Variants in RGL1 observed in about 807,000 individuals in gnomAD.
The protein encoded by RGL1 is ral guanine nucleotide dissociation stimulator like 1, also known as ral guanine nucleotide dissociation stimulator-like 1.
Under a neutral mutation model 95.2 loss-of-function variants are expected in RGL1, and 24 were observed. The ratio of observed to expected loss-of-function variants is 0.25; its 90% CI spans 0.18 to 0.35. RGL1 has a LOEUF of 0.35. Among genes scored for constraint, RGL1 ranks in the 10% least tolerant of loss-of-function variants. The pLI is 1.00. For missense variants in RGL1, 715 were observed against 936.3 expected, an observed-to-expected ratio of 0.76 and a Z score of 3.08; for synonymous variants, 329 against 344.9, an observed-to-expected ratio of 0.95 and a Z score of 0.51.
Position 183,883,843 on chromosome 1 carries a change from G to A in RGL1, c.668G>A (p.Gly223Glu), listed in dbSNP as rs758501922. ...GAAGAGGAAGAGGAACTGGAGGGTGGAGAGTCAGCAGAATTCACGTGCTTC... is the reference window on the plus strand; with the variant it reads ...GAAGAGGAAGAGGAACTGGAGGGTGAAGAGTCAGCAGAATTCACGTGCTTC... ...SLEEEEELEG[G>E]ESAEFTCFSE... The change falls in exon 6 of 18, where the codon GGA becomes GAA. Residue 223 changes from glycine to glutamate, a missense_variant. Gly to Glu is a moderately conservative substitution (Grantham distance 98). Coordinates refer to ENST00000360851, the MANE Select transcript of RGL1 (RefSeq NM_001297671.3). 1 of 1,614,160 alleles carries A rather than the reference G, an allele frequency of 6.2e-7. No homozygotes were observed. Among genetic ancestry groups the A allele is most frequent in the Admixed American group, 1.7e-5 (1 of 60,034 alleles).
At chr1:183,907,132 A>G (rs1398956453) in intron 14 of RGL1, 31 bp downstream of exon 14, 2 of 1,352,142 alleles carry the variant, frequency 1.5e-6, no homozygotes, top group East Asian at 2.3e-5. Context: ...CTGGGGCTCC[A>G]AGAGGGTGCC....
intron 2 of RGL1, among the ~76,000 whole-genome samples, chr1:183,786,045 TC>T (rs1338685653): frequency 1.3e-5 from 2 of 151,884 alleles, no homozygotes; most frequent in Non-Finnish European, 2.9e-5. Context: ...ACTACTCTAC[TC>T]CAGCCTGGGC....
chr1:183,804,521 G>C (rs947425047), upstream of RGL1, among the ~76,000 whole-genome samples: 2 of 152,160 alleles, frequency 1.3e-5, no homozygotes, highest in African/African-American at 2.4e-5. Flanking sequence ...AAGACTCACA[G>C]AACCTCCAGG....
At chr1:183,871,193 GA>G (rs1409354112) in intron 4 of RGL1, among the ~76,000 whole-genome samples, 2 of 152,206 alleles carry the variant, frequency 1.3e-5, no homozygotes, top group African/African-American at 4.8e-5. Flanking sequence ...TTCTCTGTTG[GA>G]AAGTGTGTTA....
intron 1 of RGL1, chr1:183,709,584 A>C (rs1285165425): frequency 5.7e-6 from 1 of 174,688 alleles, no homozygotes; most frequent in Non-Finnish European, 1.2e-5. Flanking sequence ...CATCCAGGGA[A>C]GCTTTTGCAA....
chr1:183,704,426 G>A (rs1654779407), intron 1 of RGL1, among the ~76,000 whole-genome samples: 1 of 152,126 alleles, frequency 6.6e-6, no homozygotes, highest in Non-Finnish European at 1.5e-5. Context: ...CAGCTTTTTG[G>A]GAGGTGGTTC....
At position 183,888,458 on chromosome 1, in the gene RGL1, A is replaced by T. The variant is rs752469749; in HGVS notation, c.952-16A>T. Reference sequence around the variant, plus strand: ...ATAGTTAAATGCCTTTTATGTTTTAATCACTCCCCATGCAGGAATGTAGAC... The same window carrying T: ...ATAGTTAAATGCCTTTTATGTTTTATTCACTCCCCATGCAGGAATGTAGAC... On this transcript the variant is annotated splice_polypyrimidine_tract_variant and intron_variant, in intron 7 of 17. Transcript: ENST00000360851. The T allele has an allele frequency of 4.0e-6, 6 of 1,485,172 alleles. No homozygotes were observed. The South Asian group carries it at 6.8e-5, about 17-fold the overall frequency. The allele number at this position is 1,485,172 out of a possible 1,614,324, so 92.0% of individuals were successfully genotyped here. A position where few individuals can be genotyped will look rare whatever the true frequency, so the allele number is the denominator to read the frequency against.
intron 1 of RGL1, among the ~76,000 whole-genome samples, chr1:183,654,767 T>G (rs1284935832): frequency 6.6e-6 from 1 of 152,250 alleles, no homozygotes; most frequent in East Asian, 1.9e-4. Context: ...CTTTGTCCAC[T>G]AGCACATTTA....
At chr1:183,716,776 G>C (rs1385721164) in intron 1 of RGL1, among the ~76,000 whole-genome samples, 1 of 152,222 alleles carries the variant, frequency 6.6e-6, no homozygotes, top group Non-Finnish European at 1.5e-5. Context: ...GTAAAAGCTT[G>C]TTGATATCCC....
At position 183,880,711 on chromosome 1, in the gene RGL1, A is replaced by T. The variant is rs749389116; in HGVS notation, c.521A>T (p.Tyr174Phe). 3 of 1,613,970 alleles carry T rather than the reference A, an allele frequency of 1.9e-6. No homozygotes were observed. The highest frequency in any genetic ancestry group is 1.7e-6 in the Non-Finnish European group (2 of 1,179,842). ...CCTTGCTTACAGAAACTGCTGGATT[A>T]TCTCACACGGATGATGCCGGGCTCT... ...HFPCLQKLLD[Y>F]LTRMMPGSDP... is the part of the protein sequence containing the mutation. The change falls in exon 5 of 18, where the codon TAT becomes TTT. Residue 174 changes from tyrosine (Y) to phenylalanine (F), a missense_variant. Around this residue, in one of 3 missense-constraint regions of RGL1, gnomAD observed 381 missense variants for 484.8 expected, o/e 0.79. Transcript: ENST00000360851.
chr1:183,703,988 G>A (rs370510752), intron 1 of RGL1, among the ~76,000 whole-genome samples: 4 of 152,188 alleles, frequency 2.6e-5, no homozygotes, highest in African/African-American at 9.6e-5. Flanking sequence ...GAGGAAGAAC[G>A]AAGCGCCCTT....
intron 1 of RGL1, chr1:183,742,072 C>T (rs1011263368): frequency 1.3e-6 from 2 of 1,484,006 alleles, no homozygotes; most frequent in Non-Finnish European, 1.9e-6. Flanking sequence ...TTCGATGTCT[C>T]TTTTAATGTT....
intron 3 of RGL1, among the ~76,000 whole-genome samples, chr1:183,862,351 G>A (rs140519801): frequency 8.8e-4 from 134 of 152,068 alleles, no homozygotes; most frequent in African/African-American, 2.8e-3. Context: ...AAGAGAGTGA[G>A]ACCCTGTTTC....
chr1:183,910,858 C>G (rs974679205), intron 14 of RGL1, among the ~76,000 whole-genome samples: 2 of 152,134 alleles, frequency 1.3e-5, no homozygotes, highest in African/African-American at 2.4e-5. Flanking sequence ...TCTTTTATGT[C>G]TTTAATATTT....
chr1:183,745,297 A>G (rs1457266754), intron 2 of RGL1, among the ~76,000 whole-genome samples: 1 of 152,202 alleles, frequency 6.6e-6, no homozygotes, highest in Non-Finnish European at 1.5e-5. Flanking sequence ...GCACTAAAAC[A>G]ATATTTTCCC....
intron 2 of RGL1, 85 bp downstream of exon 2, chr1:183,806,570 C>CTT (rs368701909): frequency 7.0e-5 from 52 of 739,204 alleles, no homozygotes; most frequent in East Asian, 1.5e-4. Flanking sequence ...CAGAGGCAGG[C>CTT]TTTTTTTTTT....
Position 183,926,228 on chromosome 1 carries a change from T to C in RGL1, c.2243T>C (p.Leu748Ser). 6.2e-7 allele frequency: 1 copy of C among 1,613,928 alleles called. No individual in the cohort carries two copies. Among genetic ancestry groups the C allele is most frequent in the Non-Finnish European group, 8.5e-7 (1 of 1,179,890 alleles). The change falls in exon 18 of 18, where the codon TTG (leucine) becomes TCG (serine). Residue 748 changes from leucine to serine, a missense_variant. By Grantham distance (145) the Leu-to-Ser change is moderately radical (BLOSUM62 -2). Transcript: ENST00000360851. ...GTGAAACTGCGTAGCCGGACCAGCT[T>C]GACGTTGCCCAGGACAGCTAAACGG... ...EQVKLRSRTSLTLPRTAKRGC... is the reference protein window; with the variant it reads ...EQVKLRSRTSSTLPRTAKRGC...
intron 9 of RGL1, among the ~76,000 whole-genome samples, chr1:183,896,022 A>G (rs544048858): frequency 6.6e-6 from 1 of 152,312 alleles, no homozygotes; most frequent in Admixed American, 6.5e-5. Context: ...AATTTTAGCC[A>G]TGTCTACAAT....
intron 16 of RGL1, 28 bp from the exon 17 acceptor site, chr1:183,922,194 T>A: frequency 6.3e-7 from 1 of 1,591,590 alleles, no homozygotes; most frequent in African/African-American, 1.3e-5. Flanking sequence ...AGCTAAGTAC[T>A]TTACAAACCT....
Sources: allele counts gnomAD v4.1 joint callset (sites outside exome capture counted in the v4.1 genomes callset), GRCh38; gene constraint gnomAD v4.1.1; regional missense constraint gnomAD v4.1.1; transcripts MANE v1.5; gene names NCBI Gene and HGNC (gene_info 2026-07-23, HGNC 2026-07-21).